Variants in ZNF44 observed in about 807,000 individuals in gnomAD.
ZNF44 encodes gonadotropin inducible transcription repressor-2.
ZNF44 carries 9 observed loss-of-function variants against 11.7 expected under a neutral mutation model. The observed-to-expected ratio is 0.77, with a 90% confidence interval of 0.46 to 1.35. The LOEUF (loss-of-function observed/expected upper bound fraction) is 1.35. Ranked by LOEUF, ZNF44 falls within the 40% of genes most tolerant of loss-of-function variation. The pLI is 0.00. For synonymous variants in ZNF44, 224 were observed against 242.7 expected, an observed-to-expected ratio of 0.92 and a Z score of 0.72; for missense variants, 696 against 743.1, an observed-to-expected ratio of 0.94 and a Z score of 0.74.
intron 1 of ZNF44, among the ~76,000 whole-genome samples, chr19:12,278,099 C>T (rs986033827): frequency 2.6e-5 from 4 of 152,160 alleles, no homozygotes; most frequent in Non-Finnish European, 5.9e-5. Flanking sequence ...ATGGCTATGA[C>T]GCACATGCTG....
At chr19:12,249,013 A>G (rs1314888691) in intron 7 of ZNF44, among the ~76,000 whole-genome samples, 2 of 151,886 alleles carry the variant, frequency 1.3e-5, no homozygotes, top group South Asian at 2.1e-4. Context: ...CCCGGGTTCA[A>G]CTGATTCTCC....
chr19:12,261,047 G>C (rs1362225625), intron 5 of ZNF44, among the ~76,000 whole-genome samples: 1 of 152,176 alleles, frequency 6.6e-6, no homozygotes, highest in Non-Finnish European at 1.5e-5. Context: ...TCCCATGACT[G>C]ACGTCTCTAG....
chr19:12,289,019 T>C (rs1001309758), intron 1 of ZNF44, among the ~76,000 whole-genome samples: 2 of 151,804 alleles, frequency 1.3e-5, no homozygotes, highest in African/African-American at 2.4e-5. Flanking sequence ...CAAAGGAAAC[T>C]TGTGGCCAGG....
chr19:12,271,872 T>C lies in ZNF44; in HGVS notation c.*535A>G, dbSNP rs1966959616. Reference sequence around the variant, plus strand: ...TATAGAGTATACAGGAGAATGTGGGTAGGTACATGCGAATATTCCATTTTA... The same window carrying C: ...TATAGAGTATACAGGAGAATGTGGGCAGGTACATGCGAATATTCCATTTTA... On this transcript the variant is annotated 3_prime_UTR_variant, in exon 4 of 4. Coordinates refer to ENST00000355684, the MANE Select transcript of ZNF44 (RefSeq NM_016264.4). The C allele has an allele frequency of 6.6e-6, 1 of 152,190 alleles. No homozygotes were observed. Among genetic ancestry groups the C allele is most frequent in the African/African-American group, 2.4e-5 (1 of 41,424 alleles). 9.4% of individuals were successfully genotyped at this position (152,190 alleles called of 1,614,324 possible).
chr19:12,289,920 C>T (rs1202289859), intron 1 of ZNF44, among the ~76,000 whole-genome samples: 3 of 152,002 alleles, frequency 2.0e-5, no homozygotes, highest in South Asian at 2.1e-4. Flanking sequence ...CGTGAGCCAC[C>T]GTGCCTGGCC....
In ZNF44 at chr19:12,266,146, G is replaced by A. The variant is rs924636051; in HGVS notation, c.1912+6341C>T. The A allele has an allele frequency of 1.8e-5, 11 of 625,808 alleles. No homozygotes were observed. In the Admixed American group the frequency reaches 3.2e-4, roughly 18 times the overall value. The allele number at this position is 625,808 out of a possible 1,614,324, so 38.8% of individuals were successfully genotyped here. A position where few individuals can be genotyped will look rare whatever the true frequency, so the allele number is the denominator to read the frequency against. ...CACCCTGCGGCCAAGGGGACCGAGG[G>A]CCGAGCTGTGCCATGGGGACTAGAG... On this transcript the variant is annotated intron_variant and NMD_transcript_variant, in intron 5 of 7. Transcript: ENST00000393337.
intron 5 of ZNF44, among the ~76,000 whole-genome samples, chr19:12,253,769 C>A (rs918075750): frequency 1.3e-5 from 2 of 151,842 alleles, no homozygotes; most frequent in African/African-American, 4.8e-5. Flanking sequence ...TCGCTTGAAG[C>A]CAGGAGTTTG....
chr19:12,235,712 G>A (rs1916362407), intron 1 of ZNF44, among the ~76,000 whole-genome samples: 1 of 152,174 alleles, frequency 6.6e-6, no homozygotes, highest in South Asian at 2.1e-4. Context: ...AGCACTTTGA[G>A]AGGCTGAAAA....
chr19:12,256,528 G>C (rs920066793), intron 5 of ZNF44, among the ~76,000 whole-genome samples: 4 of 152,106 alleles, frequency 2.6e-5, no homozygotes, highest in Admixed American at 6.6e-5. Flanking sequence ...ATGTCAGAGA[G>C]GATGCGGTCC....
At chr19:12,293,724 T>G (rs1008997472) in intron 1 of ZNF44, among the ~76,000 whole-genome samples, 3 of 151,534 alleles carry the variant, frequency 2.0e-5, no homozygotes, top group Non-Finnish European at 4.4e-5. Flanking sequence ...CCAAGAGGAG[T>G]TAGGATGAAG....
chr19:12,239,138 A>G (rs1464057392), upstream of ZNF44, among the ~76,000 whole-genome samples: 1 of 152,056 alleles, frequency 6.6e-6, no homozygotes, highest in African/African-American at 2.4e-5. Context: ...TTTTAGAGGG[A>G]GTCTAGCTCT....
At chr19:12,294,111 G>C (rs144742469) in intron 1 of ZNF44, among the ~76,000 whole-genome samples, 12 of 152,154 alleles carry the variant, frequency 7.9e-5, no homozygotes, top group Non-Finnish European at 1.6e-4. Context: ...TTCTTTCTCA[G>C]ATCTTGAATT....
chr19:12,249,274 G>A (rs866969076), intron 7 of ZNF44, among the ~76,000 whole-genome samples: 16 of 151,570 alleles, frequency 1.1e-4, no homozygotes, highest in Middle Eastern at 3.4e-3. Context: ...GGGAGGCCGA[G>A]GCGGGCGGAT....
chr19:12,282,421 CTTTTT>C lies in ZNF44; in HGVS notation c.4-6344_4-6340del, dbSNP rs59865823. On this transcript the variant is annotated intron_variant, in intron 1 of 3. Coordinates refer to ENST00000355684, the MANE Select transcript of ZNF44 (RefSeq NM_016264.4). Reference sequence around the variant, plus strand: ...AAATCAACCCACTTGGAGAAGTCTTCTTTTTTTTTTTTTTTTTTGAGACGGAGTCT... The same window carrying C: ...AAATCAACCCACTTGGAGAAGTCTTCTTTTTTTTTTTTTGAGACGGAGTCT... Among the ~76,000 whole-genome samples, 11 of 126,196 alleles carry C rather than the reference CTTTTT, an allele frequency of 8.7e-5. No individual in the cohort carries two copies. The South Asian group carries it at 2.3e-3, about 26-fold the overall frequency. The allele number at this position is 126,196 out of a possible 152,430, so 82.8% of individuals were successfully genotyped here.
intron 5 of ZNF44, among the ~76,000 whole-genome samples, chr19:12,265,924 G>A (rs1442137317): frequency 6.6e-6 from 1 of 152,176 alleles, no homozygotes; most frequent in Non-Finnish European, 1.5e-5. Flanking sequence ...CTAGAACCTG[G>A]TGCACGTCGT....
downstream of ZNF44, among the ~76,000 whole-genome samples, chr19:12,267,042 TC>T (rs1306591219): frequency 6.8e-6 from 1 of 146,470 alleles, no homozygotes; most frequent in Non-Finnish European, 1.5e-5. Flanking sequence ...TTTTCTTTTT[TC>T]TTTTTTTTTT....
intron 3 of ZNF44, 136 bp downstream of exon 3, chr19:12,274,837 T>C: frequency 1.7e-6 from 1 of 575,390 alleles, no homozygotes; most frequent in Non-Finnish European, 3.0e-6. Flanking sequence ...TAATAATATA[T>C]TTTTATAGAG....
chr19:12,294,439 A>G lies in ZNF44; in HGVS notation c.3+253T>C, dbSNP rs555602763. On this transcript the variant is annotated intron_variant, in intron 1 of 3. Coordinates refer to ENST00000355684, the MANE Select transcript of ZNF44 (RefSeq NM_016264.4). ...GGGAGAAGCGGGGCTGAGGGCGCGG[A>G]GCTGCCCAGAGAGGGGCGCCGGGGC... Among the ~76,000 whole-genome samples, 5 of 152,324 alleles carry G rather than the reference A, an allele frequency of 3.3e-5. No homozygotes were observed. In the East Asian group the frequency reaches 7.7e-4, roughly 24 times the overall value.
At chr19:12,248,587 T>C (rs1916852321) in exon 8 of ZNF44, 1 of 1,294,022 alleles carries the variant, frequency 7.7e-7, no homozygotes, top group South Asian at 1.2e-5. Context: ...GAAGGAGTTT[T>C]CTTGTTCAGA....
Sources: allele counts gnomAD v4.1 joint callset (sites outside exome capture counted in the v4.1 genomes callset), GRCh38; gene constraint gnomAD v4.1.1; transcripts MANE v1.5; gene names NCBI Gene and HGNC (gene_info 2026-07-23, HGNC 2026-07-21).